PTBP2: variants seen among roughly 807,000 people sequenced by gnomAD.
PTBP2 encodes the protein polypyrimidine tract binding protein 2.
PTBP2 carries 13 observed loss-of-function variants against 61.4 expected under a neutral mutation model. The observed-to-expected ratio is 0.21, with a 90% confidence interval of 0.14 to 0.34. PTBP2 has a LOEUF of 0.34. PTBP2 is among the 10% of genes least tolerant of loss of function. The pLI, the probability that PTBP2 is intolerant of heterozygous loss-of-function variation, is 1.00. For missense variants in PTBP2, 405 were observed against 642.6 expected, an observed-to-expected ratio of 0.63 and a Z score of 4.00; for synonymous variants, 215 against 218.5, an observed-to-expected ratio of 0.98 and a Z score of 0.14.
At chr1:96,729,989 A>G (rs11165708) in intron 2 of PTBP2, among the ~76,000 whole-genome samples, 44,356 of 151,956 alleles carry the variant, frequency 0.29, 7,207 homozygotes, top group East Asian at 0.44. Context: ...TGCCTCACAA[A>G]GTGCTGGGAT....
At chr1:96,803,551 A>T (rs2101184443) in intron 8 of PTBP2, among the ~76,000 whole-genome samples, 1 of 151,854 alleles carries the variant, frequency 6.6e-6, no homozygotes, top group Non-Finnish European at 1.5e-5. Context: ...AATTAAAAAG[A>T]GATGGAGGGG....
Position 96,739,915 on chromosome 1 carries a change from C to T in PTBP2, c.40-11510C>T, listed in dbSNP as rs1388444423. Among the ~76,000 whole-genome samples the T allele has an allele frequency of 3.3e-5, 5 of 151,958 alleles. No homozygotes were observed. The East Asian group carries it at 5.8e-4, about 18-fold the overall frequency. ...CTGGGATTACAGGCCTGAGCCACCG[C>T]GCCTGGCCAATCTGAAACTTTTTGA... On this transcript the variant is annotated intron_variant, in intron 2 of 13. Coordinates refer to ENST00000674951, the MANE Select transcript of PTBP2 (RefSeq NM_021190.4).
At chr1:96,809,387 A>G (rs1661818869) in intron 11 of PTBP2, among the ~76,000 whole-genome samples, 1 of 152,228 alleles carries the variant, frequency 6.6e-6, no homozygotes, top group South Asian at 2.1e-4. Context: ...GCTAATTTCA[A>G]AGAGTATCAT....
intron 2 of PTBP2, among the ~76,000 whole-genome samples, chr1:96,747,111 A>G (rs1400107256): frequency 1.3e-5 from 2 of 151,210 alleles, no homozygotes; most frequent in Non-Finnish European, 2.9e-5. Context: ...TTCCCAGTGC[A>G]TATTGTTGCG....
chr1:96,802,636 A>T (rs1233201311), intron 8 of PTBP2, among the ~76,000 whole-genome samples: 1 of 152,128 alleles, frequency 6.6e-6, no homozygotes, highest in African/African-American at 2.4e-5. Context: ...AACAGACTTT[A>T]TTGTTAAAAA....
At position 96,783,881 on chromosome 1, in the gene PTBP2, C is replaced by G. The variant is rs550735337; in HGVS notation, c.709-1178C>G. On this transcript the variant is annotated intron_variant, in intron 7 of 13. Transcript: ENST00000674951. Reference sequence around the variant, plus strand: ...GCCTAACCCAAATGTAATTCAAATCCTGATGTGTATGAACTCTCTTTCAGT... The same window carrying G: ...GCCTAACCCAAATGTAATTCAAATCGTGATGTGTATGAACTCTCTTTCAGT... 3.9e-5 allele frequency among the ~76,000 whole-genome samples: 6 copies of G among 152,118 alleles called. No homozygotes were observed. The South Asian group carries it at 1.2e-3, about 32-fold the overall frequency.
At chr1:96,823,572 G>A (rs1038811293) in exon 14 of PTBP2, 19 of 152,052 alleles carry the variant, frequency 1.2e-4, no homozygotes, top group Non-Finnish European at 7.4e-5. Context: ...GTATTTTTTA[G>A]ATAATTTGAG....
At chr1:96,770,127 A>G (rs1480953529) in intron 4 of PTBP2, among the ~76,000 whole-genome samples, 1 of 152,036 alleles carries the variant, frequency 6.6e-6, no homozygotes, top group Non-Finnish European at 1.5e-5. Context: ...AATTGTGGAA[A>G]ATACAAATGA....
At chr1:96,800,698 C>T (rs1660895798) in intron 8 of PTBP2, among the ~76,000 whole-genome samples, 1 of 152,180 alleles carries the variant, frequency 6.6e-6, no homozygotes, top group Non-Finnish European at 1.5e-5. Flanking sequence ...CATGCCACTG[C>T]ACTCTAGCCT....
intron 2 of PTBP2, among the ~76,000 whole-genome samples, chr1:96,733,324 G>A (rs1168944272): frequency 6.6e-6 from 1 of 152,026 alleles, no homozygotes; most frequent in Non-Finnish European, 1.5e-5. Context: ...ACATAATAGA[G>A]GATAAATGTT....
At chr1:96,766,629 T>G (rs1465827734) in intron 3 of PTBP2, among the ~76,000 whole-genome samples, 3 of 152,190 alleles carry the variant, frequency 2.0e-5, no homozygotes, top group Non-Finnish European at 2.9e-5. Flanking sequence ...GGAGCCCCCA[T>G]TCCCAGTTTC....
At chr1:96,722,108 G>T (rs1395269030) in intron 1 of PTBP2, among the ~76,000 whole-genome samples, 1 of 152,190 alleles carries the variant, frequency 6.6e-6, no homozygotes, top group East Asian at 1.9e-4. Context: ...GATGGCGGGG[G>T]TGAGGATCCC....
At chr1:96,746,489 A>G (rs188185492) in intron 2 of PTBP2, among the ~76,000 whole-genome samples, 1 of 151,798 alleles carries the variant, frequency 6.6e-6, no homozygotes, top group East Asian at 1.9e-4. Context: ...TTAAATGCCT[A>G]TTTGTGTTTT....
intron 3 of PTBP2, among the ~76,000 whole-genome samples, chr1:96,768,345 G>A (rs529434996): frequency 2.0e-4 from 30 of 152,150 alleles, no homozygotes; most frequent in Middle Eastern, 3.4e-3. Flanking sequence ...TTGAAGATAC[G>A]TTGGAGACCA....
At chr1:96,749,783 T>A in intron 2 of PTBP2, 1 of 379,756 alleles carries the variant, frequency 2.6e-6, no homozygotes, top group South Asian at 1.9e-5. Flanking sequence ...AGCCAGGCAC[T>A]TTGCCTGGTA....
chr1:96,723,735 G>A (rs892225480), intron 2 of PTBP2, 141 bp downstream of exon 2: 45 of 652,300 alleles, frequency 6.9e-5, no homozygotes, highest in African/African-American at 6.4e-4. Flanking sequence ...TGTAAAGTTG[G>A]ACCATATAAA....
chr1:96,790,411 G>T (rs544448241), intron 8 of PTBP2, among the ~76,000 whole-genome samples: 1 of 151,722 alleles, frequency 6.6e-6, no homozygotes, highest in Non-Finnish European at 1.5e-5. Flanking sequence ...TGATCCTTTC[G>T]TTACTTTTTT....
chr1:96,725,117 T>A (rs893171331), intron 2 of PTBP2, among the ~76,000 whole-genome samples: 2 of 152,134 alleles, frequency 1.3e-5, no homozygotes, highest in Non-Finnish European at 2.9e-5. Flanking sequence ...AAATGGTAGA[T>A]GTTGTAGGTT....
intron 8 of PTBP2, among the ~76,000 whole-genome samples, chr1:96,786,304 G>A (rs909062868): frequency 2.6e-5 from 4 of 152,114 alleles, no homozygotes; most frequent in African/African-American, 9.7e-5. Flanking sequence ...TTAACTACCT[G>A]TTAATTCTGG....
Sources: gnomAD v4.1 joint callset for allele counts (sites outside exome capture counted in the v4.1 genomes callset) on GRCh38, gnomAD v4.1.1 for gene constraint, MANE v1.5 for transcripts, NCBI Gene and HGNC (gene_info 2026-07-23, HGNC 2026-07-21) for gene names.